Variants in CENPK observed in about 807,000 individuals in gnomAD.
CENPK encodes the protein centromere protein K.
CENPK carries 46 observed loss-of-function variants against 40.9 expected under a neutral mutation model. The observed-to-expected ratio is 1.13, with a 90% CI of 0.89 to 1.44. CENPK has a LOEUF of 1.44. Among genes scored for constraint, CENPK ranks in the 40% most tolerant of loss-of-function variants. The probability of loss-of-function intolerance (pLI) is 0.00; values close to 1 mark genes in which losing one functional copy is unlikely to be tolerated. For missense variants in CENPK, 288 were observed against 303.5 expected (o/e 0.95, Z 0.38); for synonymous variants, 107 against 104.4 (o/e 1.02, Z -0.15).
Position 65,542,781 on chromosome 5 carries a change from C to A in CENPK, c.288+21G>T, listed in dbSNP as rs1401232326. 6 of 1,589,488 alleles carry A rather than the reference C, an allele frequency of 3.8e-6. No homozygotes were observed. The South Asian group carries it at 5.7e-5, about 15-fold the overall frequency. ...AGTTAGAAATTATTTGGGGTCACTACAAATTCATTGAGTGGCTTACCTCTT... is the reference window on the plus strand; with the variant it reads ...AGTTAGAAATTATTTGGGGTCACTAAAAATTCATTGAGTGGCTTACCTCTT... On this transcript the variant is annotated intron_variant, in intron 6 of 10. Coordinates refer to ENST00000396679, the MANE Select transcript of CENPK (RefSeq NM_022145.5).
intron 2 of CENPK, among the ~76,000 whole-genome samples, chr5:65,559,085 A>C (rs909406417): frequency 2.0e-5 from 3 of 152,344 alleles, no homozygotes; most frequent in Admixed American, 2.0e-4. Context: ...CATCAAACGC[A>C]AATCAGAATA....
chr5:65,531,604 A>C (rs142130178), intron 6 of CENPK, among the ~76,000 whole-genome samples: 1 of 151,972 alleles, frequency 6.6e-6, no homozygotes, highest in African/African-American at 2.4e-5. Flanking sequence ...CCCGGGTTCA[A>C]GTGATTCTCC....
At chr5:65,503,166 G>C in the CENPK span, among the ~76,000 whole-genome samples, 1 of 145,206 alleles carries the variant, frequency 6.9e-6, no homozygotes, top group Admixed American at 7.1e-5. Context: ...GCTGGATGCA[G>C]TGTCTCGATC....
At chr5:65,533,908 A>G (rs1746361890) in intron 6 of CENPK, among the ~76,000 whole-genome samples, 1 of 151,788 alleles carries the variant, frequency 6.6e-6, no homozygotes, top group African/African-American at 2.4e-5. Context: ...AGCCAGGCGC[A>G]CTAGTGGCGG....
At chr5:65,500,699 T>C in the CENPK span, among the ~76,000 whole-genome samples, 2 of 152,190 alleles carry the variant, frequency 1.3e-5, no homozygotes, top group Non-Finnish European at 2.9e-5. Flanking sequence ...AATCCCACTC[T>C]GTCTCCAGGC....
chr5:65,518,668 TGG>T (rs1311787045), intron 10 of CENPK, 35 bp from the exon 11 acceptor site: 3 of 1,432,272 alleles, frequency 2.1e-6, no homozygotes, highest in Middle Eastern at 1.8e-4. Flanking sequence ...ATACTTTACT[TGG>T]GAAAAAGTCA....
chr5:65,526,776 T>C (rs768765724), intron 9 of CENPK, among the ~76,000 whole-genome samples: 8 of 152,152 alleles, frequency 5.3e-5, no homozygotes, highest in South Asian at 2.1e-4. Flanking sequence ...CTGGGCAACA[T>C]AGCAAGACCT....
At chr5:65,511,884 C>G in the CENPK span, among the ~76,000 whole-genome samples, 4 of 152,146 alleles carry the variant, frequency 2.6e-5, no homozygotes, top group East Asian at 5.8e-4. Context: ...TCAGAGATGG[C>G]TGCTCTGATG....
chr5:65,561,597 AACACAC>A (rs10560318), intron 1 of CENPK, 33 bp from the exon 2 acceptor site: 1,123 of 376,766 alleles, frequency 3.0e-3, no homozygotes, highest in South Asian at 4.7e-3. Flanking sequence ...GTTTAATTAA[AACACAC>A]ACACACACAC....
the CENPK span, among the ~76,000 whole-genome samples, chr5:65,510,241 T>C: frequency 6.6e-6 from 1 of 152,216 alleles, no homozygotes; most frequent in African/African-American, 2.4e-5. Context: ...AGAAAAAGTC[T>C]TGAAAAAAAT....
the CENPK span, among the ~76,000 whole-genome samples, chr5:65,501,761 C>T: frequency 6.6e-6 from 1 of 152,158 alleles, no homozygotes; most frequent in South Asian, 2.1e-4. Context: ...ATCTGGGCAG[C>T]TGTGGAAATT....
At chr5:65,560,077 G>A (rs1561705544) in intron 2 of CENPK, among the ~76,000 whole-genome samples, 1 of 151,562 alleles carries the variant, frequency 6.6e-6, no homozygotes, top group Admixed American at 6.6e-5. Context: ...TGAAAACACA[G>A]AAACTTTTAA....
chr5:65,514,249 T>A (rs1561603055), downstream of CENPK, among the ~76,000 whole-genome samples: 15 of 10,330 alleles, frequency 1.5e-3, no homozygotes, highest in East Asian at 0.076. Context: ...TTTTTTTTTT[T>A]TTTTTTTTTT....
chr5:65,518,581 C>T lies in CENPK; in HGVS notation c.704G>A (p.Ser235Asn), dbSNP rs368786771. 3.1e-6 allele frequency: 5 copies of T among 1,605,190 alleles called. No homozygotes were observed. The highest frequency in any genetic ancestry group is 4.3e-6 in the Non-Finnish European group (5 of 1,172,850). ...DVPHDPYVKISDSFWPPYVEL... is the reference protein window; with the variant it reads ...DVPHDPYVKINDSFWPPYVEL... The stretch of plus-strand genomic sequence containing the variant: ...AACATAAGGTGGCCAAAAGGAATCA[C>T]TAATTTTGACATATGGATCATGTGG... Residue 235 changes from serine to asparagine, a missense_variant, in exon 11 of 11, where the codon AGT becomes AAT. Transcript: ENST00000396679.
At chr5:65,519,785 T>C (rs1217414353) in intron 10 of CENPK, among the ~76,000 whole-genome samples, 1 of 152,182 alleles carries the variant, frequency 6.6e-6, no homozygotes, top group Non-Finnish European at 1.5e-5. Context: ...TTTGGCCTCA[T>C]TTCTTTTGAG....
At chr5:65,537,515 A>G (rs775770762) in intron 6 of CENPK, among the ~76,000 whole-genome samples, 1 of 152,176 alleles carries the variant, frequency 6.6e-6, no homozygotes. Context: ...CGTGCTAGCC[A>G]GGATGGTCTC....
intron 2 of CENPK, among the ~76,000 whole-genome samples, chr5:65,560,546 C>G (rs1348581236): frequency 6.6e-6 from 1 of 151,686 alleles, no homozygotes; most frequent in Admixed American, 6.6e-5. Flanking sequence ...AGGTAAACAA[C>G]AAAAACAATT....
intron 6 of CENPK, chr5:65,529,580 C>T (rs1207406021): frequency 4.2e-5 from 7 of 167,520 alleles, no homozygotes; most frequent in African/African-American, 1.4e-4. Flanking sequence ...CTCCGCCTCC[C>T]GGGTTCACGC....
downstream of CENPK, among the ~76,000 whole-genome samples, chr5:65,517,307 C>T (rs1374134535): frequency 6.6e-6 from 1 of 152,152 alleles, no homozygotes; most frequent in Non-Finnish European, 1.5e-5. Context: ...ACTTCACGGA[C>T]AACAGTACTA....
Sources: allele counts gnomAD v4.1 joint callset (sites outside exome capture counted in the v4.1 genomes callset), GRCh38; gene constraint gnomAD v4.1.1; transcripts MANE v1.5; gene names NCBI Gene and HGNC (gene_info 2026-07-23, HGNC 2026-07-21).